Variants in PEAK1 observed in about 807,000 individuals in gnomAD.
The protein encoded by PEAK1 is pseudopodium enriched atypical kinase 1, also known as inactive tyrosine-protein kinase PEAK1.
Under a neutral mutation model 124.7 loss-of-function variants are expected in PEAK1, and 54 were observed. That is an observed-to-expected ratio of 0.43 (90% CI 0.35 to 0.54). The LOEUF (loss-of-function observed/expected upper bound fraction) is 0.54. PEAK1 is among the 20% of genes least tolerant of loss of function. PEAK1 has a pLI of 0.01. For synonymous variants in PEAK1, 719 were observed against 760.0 expected, an observed-to-expected ratio of 0.95 and a Z score of 0.89; for missense variants, 2,046 against 2,134.5, an observed-to-expected ratio of 0.96 and a Z score of 0.82.
Position 77,182,043 on chromosome 15 carries a change from G to A in PEAK1, c.-114-3C>T. 7.1e-7 allele frequency: 1 copy of A among 1,416,760 alleles called. No individual in the cohort carries two copies. The allele number at this position is 1,416,760 out of a possible 1,614,324, so 87.8% of individuals were successfully genotyped here. ...CAGCTCTTCTAAGAATGATCAATCT[G>A]TGGAGGGGAAAAGAAGACAAAAAAT... is the stretch of plus-strand genomic sequence containing the variant. On this transcript the variant is annotated splice_region_variant and splice_polypyrimidine_tract_variant and intron_variant, in intron 6 of 9. Coordinates refer to ENST00000682557, the MANE Select transcript of PEAK1 (RefSeq NM_001385026.1).
chr15:77,189,632 T>C (rs1466743969), intron 6 of PEAK1, among the ~76,000 whole-genome samples: 1 of 152,120 alleles, frequency 6.6e-6, no homozygotes, highest in Non-Finnish European at 1.5e-5. Context: ...CAAAGTTGTG[T>C]TTTTTGTGTT....
intron 6 of PEAK1, among the ~76,000 whole-genome samples, chr15:77,233,775 A>G (rs562975594): frequency 6.6e-6 from 1 of 152,338 alleles, no homozygotes; most frequent in African/African-American, 2.4e-5. Context: ...ATTAATTCAG[A>G]GTTTTTACCA....
chr15:77,296,898 T>A (rs2063513882), intron 2 of PEAK1, among the ~76,000 whole-genome samples: 1 of 151,778 alleles, frequency 6.6e-6, no homozygotes, highest in Non-Finnish European at 1.5e-5. Flanking sequence ...CACAGAACTT[T>A]GGCCCAAAGT....
In PEAK1 at chr15:77,267,007, T is replaced by C. The variant is rs201221919; in HGVS notation, c.-274-14481A>G. 9.9e-5 allele frequency among the ~76,000 whole-genome samples: 15 copies of C among 151,776 alleles called. No individual in the cohort carries two copies. In the East Asian group the frequency reaches 2.9e-3, roughly 29 times the overall value. ...GGTGGGGGTGGGGGCAGGGGCACAG[T>C]GGGAGTGGGACCAGCCTTTTGGGCA... On this transcript the variant is annotated intron_variant, in intron 5 of 9. Coordinates refer to ENST00000682557, the MANE Select transcript of PEAK1 (RefSeq NM_001385026.1).
intron 2 of PEAK1, chr15:77,349,505 T>C: frequency 2.0e-6 from 2 of 985,212 alleles, no homozygotes; most frequent in Non-Finnish European, 2.4e-6. Context: ...TGATATTGGC[T>C]TAATATAATG....
intron 1 of PEAK1, chr15:77,402,182 A>AG (rs60181729): frequency 1.9e-3 from 1,910 of 981,528 alleles, no homozygotes; most frequent in Non-Finnish European, 2.1e-3. Flanking sequence ...AAAAAAAAAA[A>AG]GGGACCAGAT....
intron 2 of PEAK1, among the ~76,000 whole-genome samples, chr15:77,313,528 G>A (rs536797035): frequency 5.0e-4 from 75 of 151,506 alleles, no homozygotes; most frequent in Middle Eastern, 3.4e-3. Flanking sequence ...GTGCAATGGC[G>A]CGAACTCGGC....
chr15:77,286,424 T>A lies in PEAK1; in HGVS notation c.-522A>T, dbSNP rs1271520884. ...ATTATGGAAAGAAAAAGTACAAACCTGGTTTAATTGGCTCCAACTCTGGGC... is the reference window on the plus strand; with the variant it reads ...ATTATGGAAAGAAAAAGTACAAACCAGGTTTAATTGGCTCCAACTCTGGGC... On this transcript the variant is annotated splice_region_variant and 5_prime_UTR_variant, in exon 3 of 10. Transcript: ENST00000682557. 8.2e-7 allele frequency: 1 copy of A among 1,214,356 alleles called. No individual in the cohort carries two copies. Among genetic ancestry groups the A allele is most frequent in the Non-Finnish European group, 1.0e-6 (1 of 972,528 alleles). 75.2% of individuals were successfully genotyped at this position (1,214,356 alleles called of 1,614,324 possible).
chr15:77,252,668 T>G, intron 5 of PEAK1, 142 bp from the exon 6 acceptor site: 1 of 463,734 alleles, frequency 2.2e-6, no homozygotes, highest in Non-Finnish European at 2.8e-6. Flanking sequence ...TCTTTTCTAC[T>G]TAGGTGGAGA....
chr15:77,170,031 T>A (rs2056398754), intron 7 of PEAK1, among the ~76,000 whole-genome samples: 1 of 152,176 alleles, frequency 6.6e-6, no homozygotes, highest in Non-Finnish European at 1.5e-5. Context: ...ATATTTATAG[T>A]TTTAAAATTT....
rs1370239720 is a variant in PEAK1, at chr15:77,133,627, G to T, written c.3455C>A (p.Pro1152Gln). 5 of 1,614,016 alleles carry T rather than the reference G, an allele frequency of 3.1e-6. No homozygotes were observed. Among genetic ancestry groups the T allele is most frequent in the Non-Finnish European group, 4.2e-6 (5 of 1,180,034 alleles). The change falls in exon 9 of 10, where the codon CCA (proline) becomes CAA (glutamine). Residue 1152 changes from proline (P) to glutamine (Q), a missense_variant. By Grantham distance (76) the Pro-to-Gln change is moderately conservative. Transcript: ENST00000682557. The surrounding 1 kb of genome is among the most constrained non-coding windows in gnomAD (Gnocchi z 4.2). ...GATCATCTTCTTTGGCAGTGGGGGT[G>T]GTGTAGGTTGGGAAGCATTGGGTGC... ...QEAPNASQPT[P>Q]PPLPKKMIIR... is the part of the protein sequence containing the mutation.
At chr15:77,158,868 A>G (rs2055384430) in intron 7 of PEAK1, among the ~76,000 whole-genome samples, 172 bp from the exon 8 acceptor site, 1 of 152,208 alleles carries the variant, frequency 6.6e-6, no homozygotes, top group East Asian at 1.9e-4. Flanking sequence ...ATTTACCTTG[A>G]TTCACACATA....
At chr15:77,301,226 G>A (rs1451582642) in intron 2 of PEAK1, among the ~76,000 whole-genome samples, 1 of 152,106 alleles carries the variant, frequency 6.6e-6, no homozygotes, top group Non-Finnish European at 1.5e-5. Flanking sequence ...GGTGGCTGTA[G>A]GGATCCCTTT....
rs144715423 is a variant in PEAK1, at chr15:77,319,854, T to C, written c.-602-33350A>G. On this transcript the variant is annotated intron_variant, in intron 2 of 9. Coordinates refer to ENST00000682557, the MANE Select transcript of PEAK1 (RefSeq NM_001385026.1). ...ATCGCTGTTTCTGGCAATATCACTA[T>C]GGATGATCTTTTACTCTTTGTTTAC... 2.4e-3 allele frequency among the ~76,000 whole-genome samples: 370 copies of C among 152,278 alleles called. 2 individuals are homozygous for C. The highest frequency in any genetic ancestry group is 8.2e-3 in the African/African-American group (340 of 41,544).
chr15:77,279,962 C>A (rs1019724612), intron 5 of PEAK1, among the ~76,000 whole-genome samples: 5 of 152,090 alleles, frequency 3.3e-5, no homozygotes, highest in African/African-American at 1.2e-4. Context: ...CAGAAGTTTT[C>A]TAGGGTGATG....
chr15:77,205,932 C>T (rs1463266421), intron 6 of PEAK1, among the ~76,000 whole-genome samples: 127 of 123,506 alleles, frequency 1.0e-3, no homozygotes, highest in Middle Eastern at 3.9e-3. Flanking sequence ...CCCACTAACT[C>T]GTCATCTAGC....
intron 2 of PEAK1, among the ~76,000 whole-genome samples, chr15:77,344,141 C>CTAAA (rs761289669): frequency 5.9e-5 from 9 of 152,156 alleles, no homozygotes; most frequent in Non-Finnish European, 8.8e-5. Flanking sequence ...GTCGCCCAGG[C>CTAAA]TAAAGTGCAG....
At chr15:77,267,325 C>T (rs535669070) in intron 5 of PEAK1, among the ~76,000 whole-genome samples, 30 of 152,166 alleles carry the variant, frequency 2.0e-4, no homozygotes, top group Non-Finnish European at 3.4e-4. Context: ...TCTATGGTCC[C>T]AACCTTCTCC....
chr15:77,401,504 A>G (rs928096812), intron 1 of PEAK1: 3 of 967,122 alleles, frequency 3.1e-6, no homozygotes, highest in South Asian at 4.8e-5. Flanking sequence ...TTTTAAGAGT[A>G]TAAGAAGAAC....
Sources: gnomAD v4.1 joint callset for allele counts (sites outside exome capture counted in the v4.1 genomes callset) on GRCh38, gnomAD v4.1.1 for gene constraint, Gnocchi (gnomAD v3.1) non-coding constraint, MANE v1.5 for transcripts, NCBI Gene and HGNC (gene_info 2026-07-23, HGNC 2026-07-21) for gene names.